The following GAL3ST3 variants were observed in gnomAD, a reference collection of about 807,000 sequenced individuals.
GAL3ST3 encodes the protein beta-galactose-3-O-sulfotransferase 3.
Under a neutral mutation model 20.8 loss-of-function variants are expected in GAL3ST3, and 21 were observed. The observed-to-expected ratio is 1.01, with a 90% CI of 0.72 to 1.45. The LOEUF (loss-of-function observed/expected upper bound fraction) is 1.45, where lower values mean the gene tolerates loss of function less well. Ranked by LOEUF, GAL3ST3 falls within the 40% of genes most tolerant of loss-of-function variation. The pLI is 0.00. For synonymous variants in GAL3ST3, 355 were observed against 307.2 expected (o/e 1.16, Z -1.63); for missense variants, 739 against 662.7 (o/e 1.12, Z -1.26).
At chr11:66,048,073 T>C (rs1856800352) in intron 1 of GAL3ST3, among the ~76,000 whole-genome samples, 1 of 152,012 alleles carries the variant, frequency 6.6e-6, no homozygotes. Context: ...GTGGGGTGCA[T>C]GATGGTGCTG....
In GAL3ST3 at chr11:66,040,997, A is replaced by C. The variant is rs991466475; in HGVS notation, c.*1510T>G. On this transcript the variant is annotated 3_prime_UTR_variant, in exon 3 of 3. Coordinates refer to ENST00000312006, the MANE Select transcript of GAL3ST3 (RefSeq NM_033036.3). ...AACTGGATAAAGAGTTGCTGATAGC[A>C]GTGTCCTGGTTCTTCCCTTTACATT... is the stretch of plus-strand genomic sequence containing the variant. Among the ~76,000 whole-genome samples, 2 of 152,206 alleles carry C rather than the reference A, an allele frequency of 1.3e-5. No homozygotes were observed. The highest frequency in any genetic ancestry group is 4.8e-5 in the African/African-American group (2 of 41,448).
rs1856735669 is a variant in GAL3ST3 at position 66,043,129 on chromosome 11, G to A, written c.674C>T (p.Ala225Val). ...RSPRDDAAYL[A>V]GLIRQVEEVF... ...CTCCTCCACCTGGCGGATGAGGCCC[G>A]CCAGGTAGGCGGCGTCGTCGCGCGG... The change falls in exon 3 of 3, where the codon GCG becomes GTG. Residue 225 changes from alanine (A) to valine (V), a missense_variant. Coordinates refer to ENST00000312006, the MANE Select transcript of GAL3ST3 (RefSeq NM_033036.3). 4 of 1,611,670 alleles carry A rather than the reference G, an allele frequency of 2.5e-6. No individual in the cohort carries two copies. Among genetic ancestry groups the A allele is most frequent in the Non-Finnish European group, 3.4e-6 (4 of 1,179,298 alleles).
At chr11:66,046,926 CT>C (rs965482116) in intron 1 of GAL3ST3, among the ~76,000 whole-genome samples, 21 of 152,358 alleles carry the variant, frequency 1.4e-4, no homozygotes, top group African/African-American at 5.1e-4. Context: ...CTTCCAGTCT[CT>C]CTTCTTGACC....
chr11:66,042,688 C>T lies in GAL3ST3; in HGVS notation c.1115G>A (p.Gly372Asp), dbSNP rs1284615964. Residue 372 changes from glycine (G) to aspartate (D), a missense_variant, in exon 3 of 3, where the codon GGC becomes GAC. By Grantham distance (94) the Gly-to-Asp change is moderately conservative. Transcript: ENST00000312006. Reference sequence around the variant, plus strand: ...GGCCTCGGTGGCCGGGCCGGCGCCGCCGCCGGGCAGGTCATAGCCCATAAT... The same window carrying T: ...GGCCTCGGTGGCCGGGCCGGCGCCGTCGCCGGGCAGGTCATAGCCCATAAT... ...VDIMGYDLPGGGAGPATEACL... is the reference protein window; with the variant it reads ...VDIMGYDLPGDGAGPATEACL... The T allele has an allele frequency of 5.9e-6, 9 of 1,533,970 alleles. No individual in the cohort carries two copies. In the East Asian group the frequency reaches 1.7e-4, roughly 29 times the overall value.
chr11:66,043,377 CGGCATGAG>C lies in GAL3ST3; in HGVS notation c.418_425del (p.Leu140AlafsTer72). ...GGATGGTGACATAGACGGTGCTGGGCGGCATGAGGCGCTCCAGCTCCGCACGGTCGAAG... is the reference window on the plus strand; with the variant it reads ...GGATGGTGACATAGACGGTGCTGGGCGCGCTCCAGCTCCGCACGGTCGAAG... On this transcript the variant is annotated frameshift_variant, in exon 3 of 3. Coordinates refer to ENST00000312006, the MANE Select transcript of GAL3ST3 (RefSeq NM_033036.3). LOFTEE classifies it high-confidence loss of function. The C allele has an allele frequency of 6.2e-7, 1 of 1,609,792 alleles. No homozygotes were observed. The highest frequency in any genetic ancestry group is 8.5e-7 in the Non-Finnish European group (1 of 1,178,450).
In GAL3ST3 at chr11:66,043,080, G is replaced by C. The variant is rs1441625788; in HGVS notation, c.723C>G (p.Ala241=). The change falls in exon 3 of 3, where the codon GCC becomes GCG. Residue 241 remains alanine (A), a synonymous_variant. Transcript: ENST00000312006. ...VEEVFSLVMI[A]EYFDESLVLL... is the part of the protein sequence containing the mutation. ...GCACTAGCGACTCGTCGAAGTACTC[G>C]GCGATCATGACGAGCGAGAAAACCT... 2.5e-6 allele frequency: 4 copies of C among 1,611,800 alleles called. No individual in the cohort carries two copies. Among genetic ancestry groups the C allele is most frequent in the Non-Finnish European group, 2.5e-6 (3 of 1,179,362 alleles).
At chr11:66,048,744 T>C (rs1856807538) in intron 1 of GAL3ST3, among the ~76,000 whole-genome samples, 1 of 149,628 alleles carries the variant, frequency 6.7e-6, no homozygotes, top group Admixed American at 6.7e-5. Context: ...TCTCCATTAC[T>C]GCCCACCCGC....
chr11:66,043,523 C>T lies in GAL3ST3; in HGVS notation c.280G>A (p.Val94Met). ...TCGCAGCTCGGGTGCGGCAGGGCCACCGTCAGGTTGTGGCGCTCGGCAAAG... is the reference window on the plus strand; with the variant it reads ...TCGCAGCTCGGGTGCGGCAGGGCCATCGTCAGGTTGTGGCGCTCGGCAAAG... ...FRFAERHNLT[V>M]ALPHPSCEHQ... is the part of the protein sequence containing the mutation. The change falls in exon 3 of 3, where the codon GTG becomes ATG. Residue 94 changes from valine (V) to methionine (M), a missense_variant. Physicochemically the swap from Val to Met is conservative, Grantham distance 21. Transcript: ENST00000312006. 1 of 1,610,632 alleles carries T rather than the reference C, an allele frequency of 6.2e-7. No homozygotes were observed.
chr11:66,048,149 T>C (rs1856801179), intron 1 of GAL3ST3, among the ~76,000 whole-genome samples: 1 of 152,152 alleles, frequency 6.6e-6, no homozygotes, highest in Non-Finnish European at 1.5e-5. Flanking sequence ...GACTCCCCAT[T>C]GTGCCTGGTG....
chr11:66,042,933 C>T lies in GAL3ST3; in HGVS notation c.870G>A (p.Trp290Ter), dbSNP rs947013979. 2.3e-5 allele frequency: 29 copies of T among 1,240,416 alleles called. No homozygotes were observed. Among genetic ancestry groups the T allele is most frequent in the African/African-American group, 5.0e-5 (3 of 60,146 alleles). The allele number at this position is 1,240,416 out of a possible 1,614,324, so 76.8% of individuals were successfully genotyped here. ...PAALARAART[W>*]NALDAGLYDH... ...CGTAGAGGCCGGCGTCCAGGGCGTT[C>T]CAGGTGCGCGCCGCCCGCGCCAGCG... Residue 290 changes from tryptophan (W) to a stop codon, truncating the protein, a stop_gained, in exon 3 of 3, where the codon TGG becomes TGA. Transcript: ENST00000312006. LOFTEE classifies it low-confidence loss of function (END_TRUNC).
intron 1 of GAL3ST3, among the ~76,000 whole-genome samples, chr11:66,047,716 C>A (rs1856796678): frequency 6.6e-6 from 1 of 152,208 alleles, no homozygotes; most frequent in African/African-American, 2.4e-5. Flanking sequence ...CAGGTTCTTT[C>A]CGGGACAGCC....
In GAL3ST3 at chr11:66,043,163, C is replaced by T. The variant is rs1856736640; in HGVS notation, c.640G>A (p.Glu214Lys). 1 of 1,611,914 alleles carries T rather than the reference C, an allele frequency of 6.2e-7. No homozygotes were observed. The highest frequency in any genetic ancestry group is 1.1e-5 in the South Asian group (1 of 91,020). Residue 214 changes from glutamate to lysine, a missense_variant, in exon 3 of 3, where the codon GAG becomes AAG. Physicochemically the swap from Glu to Lys is moderately conservative, Grantham distance 56. Transcript: ENST00000312006. The part of the protein sequence containing the change: ...TLAYDLGGDN[E>K]RSPRDDAAYL... ...GCGGCGTCGTCGCGCGGGCTGCGCT[C>T]ATTGTCGCCGCCCAGGTCGTAGGCC...
chr11:66,042,403 C>G lies in GAL3ST3; in HGVS notation c.*104G>C. The G allele has an allele frequency of 2.3e-6, 2 of 878,966 alleles. No individual in the cohort carries two copies. Among genetic ancestry groups the G allele is most frequent in the South Asian group, 3.9e-5 (2 of 50,990 alleles). The allele number at this position is 878,966 out of a possible 1,614,324, so 54.4% of individuals were successfully genotyped here. A position where few individuals can be genotyped will look rare whatever the true frequency, so the allele number is the denominator to read the frequency against. On this transcript the variant is annotated 3_prime_UTR_variant, in exon 3 of 3. Coordinates refer to ENST00000312006, the MANE Select transcript of GAL3ST3 (RefSeq NM_033036.3). The stretch of plus-strand genomic sequence containing the variant: ...CAAAGTTCAGCGAGGGACTCAAGCC[C>G]CTTGAAAAGAAAGGGCTCTCATGGG...
At chr11:66,043,729 T>G in intron 2 of GAL3ST3, 52 bp from the exon 3 acceptor site, 1 of 1,479,934 alleles carries the variant, frequency 6.8e-7, no homozygotes, top group Non-Finnish European at 9.1e-7. Flanking sequence ...GGCTGCCGCT[T>G]GACCCCTGCC....
rs1318600896 is a variant in GAL3ST3 at position 66,042,669 on chromosome 11, G to A, written c.1134C>T (p.Thr378=). Residue 378 remains threonine (T), a synonymous_variant, in exon 3 of 3, where the codon ACC becomes ACT. Transcript: ENST00000312006. ...DLPGGGAGPA[T]EACLKLAMPE... ...GCATGGCCAGCTTGAGGCAGGCCTCGGTGGCCGGGCCGGCGCCGCCGCCGG... is the reference window on the plus strand; with the variant it reads ...GCATGGCCAGCTTGAGGCAGGCCTCAGTGGCCGGGCCGGCGCCGCCGCCGG... 14 of 1,534,504 alleles carry A rather than the reference G, an allele frequency of 9.1e-6. No homozygotes were observed. Among genetic ancestry groups the A allele is most frequent in the Non-Finnish European group, 1.0e-5 (12 of 1,146,074 alleles).
In GAL3ST3 at chr11:66,043,309, T is replaced by C. The variant is rs929033839; in HGVS notation, c.494A>G (p.Tyr165Cys). ...AAMFESLFSY[Y>C]NQYCPAFRRV... ...CCGGAAGGCCGGGCAGTACTGGTTG[T>C]AGTAGCTGAAGAGCGACTCGAACAT... The change falls in exon 3 of 3, where the codon TAC becomes TGC. Residue 165 changes from tyrosine to cysteine, a missense_variant. Coordinates refer to ENST00000312006, the MANE Select transcript of GAL3ST3 (RefSeq NM_033036.3). 1 of 1,612,266 alleles carries C rather than the reference T, an allele frequency of 6.2e-7. No homozygotes were observed. The highest frequency in any genetic ancestry group is 1.7e-5 in the Admixed American group (1 of 59,934).
Position 66,042,575 on chromosome 11 carries a change from C to T in GAL3ST3, c.1228G>A (p.Glu410Lys), listed in dbSNP as rs1276618363. 4.6e-6 allele frequency: 7 copies of T among 1,529,690 alleles called. No homozygotes were observed. The highest frequency in any genetic ancestry group is 3.6e-5 in the South Asian group (3 of 83,424). The allele number at this position is 1,529,690 out of a possible 1,614,324, so 94.8% of individuals were successfully genotyped here. ...KRRGGARARP[E>K]PVLDNPPPRP... ...GGCGGGGGATTGTCCAGGACGGGCT[C>T]GGGCCGAGCCCGCGCACCGCCCCGG... The change falls in exon 3 of 3, where the codon GAG (glutamate) becomes AAG (lysine). Residue 410 changes from glutamate (E) to lysine (K), a missense_variant. Transcript: ENST00000312006.
chr11:66,042,535 A>C lies in GAL3ST3; in HGVS notation c.1268T>G (p.Val423Gly). 1 of 1,508,026 alleles carries C rather than the reference A, an allele frequency of 6.6e-7. No homozygotes were observed. The allele number at this position is 1,508,026 out of a possible 1,614,324, so 93.4% of individuals were successfully genotyped here. A position where few individuals can be genotyped will look rare whatever the true frequency, so the allele number is the denominator to read the frequency against. The change falls in exon 3 of 3, where the codon GTG becomes GGG. Residue 423 changes from valine to glycine, a missense_variant. Physicochemically the swap from Val to Gly is moderately radical, Grantham distance 109 (BLOSUM62 -3). Transcript: ENST00000312006. ...LDNPPPRPIRVLPRGPQGP is the reference protein window; with the variant it reads ...LDNPPPRPIRGLPRGPQGP ...GGGACCTTGAGGGCCGCGAGGCAGC[A>C]CTCGGATGGGCCGAGGCGGGGGATT...
chr11:66,042,224 C>T lies in GAL3ST3; in HGVS notation c.*283G>A. ...AGCCCCCAGAAAAAGGCAGGGTGAG[C>T]AGTTCTGGACAGCCCTCAGGCCTCT... On this transcript the variant is annotated 3_prime_UTR_variant, in exon 3 of 3. Transcript: ENST00000312006. 2.8e-6 allele frequency: 1 copy of T among 352,498 alleles called. No homozygotes were observed. The highest frequency in any genetic ancestry group is 5.1e-6 in the Non-Finnish European group (1 of 196,428). 21.8% of individuals were successfully genotyped at this position (352,498 alleles called of 1,614,324 possible).
Sources: allele counts gnomAD v4.1 joint callset (sites outside exome capture counted in the v4.1 genomes callset), GRCh38; gene constraint gnomAD v4.1.1; transcripts MANE v1.5; gene names NCBI Gene and HGNC (gene_info 2026-07-23, HGNC 2026-07-21).